CFAP65: variants seen among roughly 807,000 people sequenced by gnomAD.
CFAP65 encodes cilia and flagella associated protein 65, also known as cilia- and flagella-associated protein 65.
CFAP65 carries 155 observed loss-of-function variants against 208.0 expected under a neutral mutation model. That is an observed-to-expected ratio of 0.75 (90% confidence interval 0.65 to 0.85). CFAP65 has a LOEUF of 0.85. CFAP65 is among the 40% of genes least tolerant of loss of function. CFAP65 has a pLI of 0.00. For synonymous variants in CFAP65, 970 were observed against 986.3 expected, an observed-to-expected ratio of 0.98 and a Z score of 0.31; for missense variants, 2,294 against 2,451.3, an observed-to-expected ratio of 0.94 and a Z score of 1.36.
At chr2:219,011,748 A>G (rs1206112331) in intron 24 of CFAP65, among the ~76,000 whole-genome samples, 9 of 152,342 alleles carry the variant, frequency 5.9e-5, no homozygotes, top group Admixed American at 5.9e-4. Context: ...AATAGAGTCC[A>G]TCTGGATTCA....
In CFAP65 at chr2:219,027,386, T is replaced by C. The variant is rs1430987003; in HGVS notation, c.2211+264A>G. On this transcript the variant is annotated intron_variant, in intron 13 of 34. Transcript: ENST00000341552. ...AGGGAGTATCTCCCTGTGCACCCAGTTTTCCCAAACAGCTTGATCTCAGCT... is the reference window on the plus strand; with the variant it reads ...AGGGAGTATCTCCCTGTGCACCCAGCTTTCCCAAACAGCTTGATCTCAGCT... 14 of 1,468,314 alleles carry C rather than the reference T, an allele frequency of 9.5e-6. No homozygotes were observed. In the Admixed American group the frequency reaches 1.7e-4, roughly 18 times the overall value. The allele number at this position is 1,468,314 out of a possible 1,614,324, so 91.0% of individuals were successfully genotyped here. A position where few individuals can be genotyped will look rare whatever the true frequency, so the allele number is the denominator to read the frequency against.
intron 1 of CFAP65, 57 bp downstream of exon 1, chr2:219,041,431 G>A: frequency 6.5e-7 from 1 of 1,538,354 alleles, no homozygotes; most frequent in Non-Finnish European, 8.8e-7. Flanking sequence ...ACCTTCCCTG[G>A]CCACTCGCGC....
At chr2:219,008,404 A>G (rs943428858) in intron 29 of CFAP65, among the ~76,000 whole-genome samples, 1 of 152,160 alleles carries the variant, frequency 6.6e-6, no homozygotes, top group Admixed American at 6.5e-5. Flanking sequence ...AACCTGGGCA[A>G]TCTGTCTCCA....
chr2:219,024,816 A>G (rs2106193474), intron 14 of CFAP65, among the ~76,000 whole-genome samples: 2 of 152,306 alleles, frequency 1.3e-5, no homozygotes, highest in South Asian at 4.1e-4. Context: ...TGCATCTGTA[A>G]TCTCAGCTAC....
chr2:219,028,489 G>T, intron 11 of CFAP65, 88 bp from the exon 12 acceptor site: 2 of 1,185,084 alleles, frequency 1.7e-6, no homozygotes, highest in Non-Finnish European at 2.5e-6. Flanking sequence ...CAGAAGCTGG[G>T]CAGACAGGAT....
At chr2:219,026,565 T>C (rs577435810) in intron 13 of CFAP65, 1 of 164,902 alleles carries the variant, frequency 6.1e-6, no homozygotes, top group Non-Finnish European at 1.3e-5. Context: ...TAATAGTATA[T>C]TTTATTTAAC....
In CFAP65 at chr2:219,012,002, T is replaced by G. The variant is rs182211270; in HGVS notation, c.3958-1006A>C. Among the ~76,000 whole-genome samples, 188 of 152,360 alleles carry G rather than the reference T, an allele frequency of 1.2e-3. 1 individual carries two copies. The highest frequency in any genetic ancestry group is 1.8e-3 in the Non-Finnish European group (123 of 68,044). ...TTAGTGCCCTTATAAAAGAGGCCTG[T>G]GGAAGCTTGTTTGCTCCCTCCACCA... is the stretch of plus-strand genomic sequence containing the variant. On this transcript the variant is annotated intron_variant, in intron 24 of 34. Coordinates refer to ENST00000341552, the MANE Select transcript of CFAP65 (RefSeq NM_194302.4).
At chr2:219,008,745 A>AT (rs1250317599) in intron 29 of CFAP65, among the ~76,000 whole-genome samples, 3 of 152,210 alleles carry the variant, frequency 2.0e-5, no homozygotes, top group African/African-American at 7.2e-5. Flanking sequence ...AAAAAAAATA[A>AT]AAATAAAAAT....
chr2:219,038,256 T>G lies in CFAP65; in HGVS notation c.357+119A>C, dbSNP rs1406649585. 3 of 880,238 alleles carry G rather than the reference T, an allele frequency of 3.4e-6. No homozygotes were observed. In the East Asian group the frequency reaches 7.9e-5, roughly 23 times the overall value. 54.5% of individuals were successfully genotyped at this position (880,238 alleles called of 1,614,324 possible). ...CAAGGAAAGTCTAGACAAGGTCTAG[T>G]GCTCAGATGCAGAGGGAAGAGTCAG... On this transcript the variant is annotated intron_variant, in intron 4 of 34. Coordinates refer to ENST00000341552, the MANE Select transcript of CFAP65 (RefSeq NM_194302.4).
rs371573312 is a variant in CFAP65 at position 219,038,421 on chromosome 2, T to C, written c.311A>G (p.Asn104Ser). The change falls in exon 4 of 35, where the codon AAC becomes AGC. Residue 104 changes from asparagine to serine, a missense_variant. Asn to Ser is a conservative substitution (Grantham distance 46). This residue lies in a region of CFAP65 where 867 missense variants were observed against 1,012.6 expected (regional missense o/e 0.86). Coordinates refer to ENST00000341552, the MANE Select transcript of CFAP65 (RefSeq NM_194302.4). ...SASTVAIPAINDSSAAMSACS... is the reference protein window; with the variant it reads ...SASTVAIPAISDSSAAMSACS... ...GGCACTCATGGCTGCACTGCTGTCGTTGATGGCAGGGATGGCCACTGTGCT... is the reference window on the plus strand; with the variant it reads ...GGCACTCATGGCTGCACTGCTGTCGCTGATGGCAGGGATGGCCACTGTGCT... 5.6e-6 allele frequency: 9 copies of C among 1,613,672 alleles called. No individual in the cohort carries two copies. The African/African-American group carries it at 1.1e-4, about 19-fold the overall frequency.
chr2:219,028,273 G>T lies in CFAP65; in HGVS notation c.1779C>A (p.Asp593Glu). 6.2e-7 allele frequency: 1 copy of T among 1,614,152 alleles called. No individual in the cohort carries two copies. The highest frequency in any genetic ancestry group is 8.5e-7 in the Non-Finnish European group (1 of 1,180,012). ...TCTCCTTCAGCATGGCATCCAGGAT[G>T]TCAGGGGGGTAGAGCGTCAGGCCCC... is the stretch of plus-strand genomic sequence containing the variant. ...LARGLTLYPP[D>E]ILDAMLKEKK... Residue 593 changes from aspartate (D) to glutamate (E), a missense_variant, in exon 12 of 35, where the codon GAC becomes GAA. Physicochemically the swap from Asp to Glu is conservative, Grantham distance 45 (BLOSUM62 2). Transcript: ENST00000341552.
Position 219,019,527 on chromosome 2 carries a change from T to C in CFAP65, c.3452A>G (p.Tyr1151Cys). Residue 1151 changes from tyrosine (Y) to cysteine (C), a missense_variant, in exon 20 of 35, where the codon TAC becomes TGC. Physicochemically the swap from Tyr to Cys is radical, Grantham distance 194. Around this residue, in one of 2 missense-constraint regions of CFAP65, gnomAD observed 1,427 missense variants for 1,438.7 expected, o/e 0.99. Transcript: ENST00000341552. ...TCACCTGTGCCGGGTGGGCACCTTG[T>C]AGGTGAGCTCACAGGGGGTGGGGTC... ...ERDPTPCELT[Y>C]KVPTRHSMSQ... 3 of 1,612,726 alleles carry C rather than the reference T, an allele frequency of 1.9e-6. No homozygotes were observed. Among genetic ancestry groups the C allele is most frequent in the Non-Finnish European group, 2.5e-6 (3 of 1,179,924 alleles).
In CFAP65 at chr2:219,006,482, G is replaced by T. The variant is rs763606830; in HGVS notation, c.4702C>A (p.Pro1568Thr). Residue 1568 changes from proline (P) to threonine (T), a missense_variant, in exon 30 of 35, where the codon CCT (proline) becomes ACT (threonine). Pro to Thr is a conservative substitution (Grantham distance 38). Around this residue, in one of 2 missense-constraint regions of CFAP65, gnomAD observed 1,427 missense variants for 1,438.7 expected, o/e 0.99. Transcript: ENST00000341552. ...CGCCTCACCTTGTACTTCCTCGCAG[G>T]TTCACAGGCTGTGCAGCATGTTCTC... is the stretch of plus-strand genomic sequence containing the variant. ...KKRTCCTACEPARKYKTLPPI... is the reference protein window; with the variant it reads ...KKRTCCTACETARKYKTLPPI... 1.2e-6 allele frequency: 2 copies of T among 1,613,556 alleles called. No individual in the cohort carries two copies. The highest frequency in any genetic ancestry group is 1.3e-5 in the African/African-American group (1 of 74,902).
At chr2:219,011,029 T>C (rs1239612635) in intron 24 of CFAP65, 33 bp from the exon 25 acceptor site, 2 of 1,571,206 alleles carry the variant, frequency 1.3e-6, no homozygotes, top group African/African-American at 2.7e-5. Flanking sequence ...AATTGCCACA[T>C]CAGCTCAGCA....
Position 219,003,302 on chromosome 2 carries a change from C to G in CFAP65, c.5556-30G>C. The stretch of plus-strand genomic sequence containing the variant: ...GAGGGGGCGGGGGCTAGCATGAGGG[C>G]GGCCGCAGTGCCCGCGCGCCTCCTC... On this transcript the variant is annotated intron_variant, in intron 33 of 34. Coordinates refer to ENST00000341552, the MANE Select transcript of CFAP65 (RefSeq NM_194302.4). This position sits in a 1 kb window ranked among gnomAD's most constrained non-coding sequence, Gnocchi z 4.4. 6.7e-7 allele frequency: 1 copy of G among 1,491,696 alleles called. No individual in the cohort carries two copies. The highest frequency in any genetic ancestry group is 8.9e-7 in the Non-Finnish European group (1 of 1,118,850). The allele number at this position is 1,491,696 out of a possible 1,614,324, so 92.4% of individuals were successfully genotyped here. A position where few individuals can be genotyped will look rare whatever the true frequency, so the allele number is the denominator to read the frequency against.
rs1481516987 is a variant in CFAP65, at chr2:219,013,267, G to C, written c.3949C>G (p.Pro1317Ala). ...CAATGTGGACCACTGACCTGCCGTG[G>C]GGGTAGCGTGTCACCAATGGGAATG... ...IPIPIGDTLPPRQIYELYNGG... is the reference protein window; with the variant it reads ...IPIPIGDTLPARQIYELYNGG... The change falls in exon 24 of 35, where the codon CCA becomes GCA. Residue 1317 changes from proline (P) to alanine (A), a missense_variant. Physicochemically the swap from Pro to Ala is conservative, Grantham distance 27 (BLOSUM62 -1). Around this residue, in one of 2 missense-constraint regions of CFAP65, gnomAD observed 1,427 missense variants for 1,438.7 expected, o/e 0.99. Transcript: ENST00000341552. 6.2e-7 allele frequency: 1 copy of C among 1,611,452 alleles called. No individual in the cohort carries two copies. The highest frequency in any genetic ancestry group is 8.5e-7 in the Non-Finnish European group (1 of 1,177,846).
In CFAP65 at chr2:219,002,934, C is replaced by A. The variant is rs952414712; in HGVS notation, c.*3G>T. On this transcript the variant is annotated 3_prime_UTR_variant, in exon 35 of 35. Coordinates refer to ENST00000341552, the MANE Select transcript of CFAP65 (RefSeq NM_194302.4). The surrounding 1 kb of genome is among the most constrained non-coding windows in gnomAD (Gnocchi z 7.9). ...GCATGTCGGAGAGGCTGGGCGCGGG[C>A]ATTTACGGAAGGTCGGTAGGAAGTG... 12 of 1,563,992 alleles carry A rather than the reference C, an allele frequency of 7.7e-6. No individual in the cohort carries two copies. The African/African-American group carries it at 1.5e-4, about 19-fold the overall frequency.
rs752606969 is a variant in CFAP65, at chr2:219,009,925, G to A, written c.4452+17C>T. The A allele has an allele frequency of 1.3e-6, 2 of 1,599,636 alleles. No homozygotes were observed. Among genetic ancestry groups the A allele is most frequent in the South Asian group, 1.1e-5 (1 of 87,782 alleles). On this transcript the variant is annotated intron_variant, in intron 27 of 34. Coordinates refer to ENST00000341552, the MANE Select transcript of CFAP65 (RefSeq NM_194302.4). ...CTGGAGCTCTGATGGAGGTTCCAGG[G>A]CTCAGGGGACTCTCACCTCCCCAAA...
In CFAP65 at chr2:219,038,879, TG is replaced by T. The variant is rs1948516738; in HGVS notation, c.153+16del. 2 of 1,595,468 alleles carry T rather than the reference TG, an allele frequency of 1.3e-6. No homozygotes were observed. The highest frequency in any genetic ancestry group is 1.7e-5 in the Admixed American group (1 of 58,530). Reference sequence around the variant, plus strand: ...CTCAGCAAGCTCCAGTGGGTGTTACTGAAGTGTGTGCATTACCTTTATCTGG... The same window carrying T: ...CTCAGCAAGCTCCAGTGGGTGTTACTAAGTGTGTGCATTACCTTTATCTGG... On this transcript the variant is annotated intron_variant, in intron 3 of 34. Coordinates refer to ENST00000341552, the MANE Select transcript of CFAP65 (RefSeq NM_194302.4).
Sources: allele counts gnomAD v4.1 joint callset (sites outside exome capture counted in the v4.1 genomes callset), GRCh38; gene constraint gnomAD v4.1.1; regional missense constraint gnomAD v4.1.1; non-coding constraint Gnocchi (gnomAD v3.1); transcripts MANE v1.5; gene names NCBI Gene and HGNC (gene_info 2026-07-23, HGNC 2026-07-21).